The following JPH3 variants were observed in gnomAD, a reference collection of about 807,000 sequenced individuals.
JPH3 encodes the protein junctophilin-3.
A neutral mutation model predicts 59.6 loss-of-function variants in JPH3; 11 were observed. The observed-to-expected ratio is 0.18, with a 90% CI of 0.12 to 0.31. JPH3 has a LOEUF of 0.31. Among genes scored for constraint, JPH3 ranks in the 10% least tolerant of loss-of-function variants. The pLI, the probability that JPH3 is intolerant of heterozygous loss-of-function variation, is 1.00. For missense variants in JPH3, 1,202 were observed against 1,105.7 expected (o/e 1.09, Z -1.24); for synonymous variants, 673 against 483.6 (o/e 1.39, Z -5.14).
At chr16:87,670,202 C>T (rs966961871) in intron 2 of JPH3, among the ~76,000 whole-genome samples, 29 of 152,214 alleles carry the variant, frequency 1.9e-4, no homozygotes, top group African/African-American at 6.0e-4. Context: ...AGCCCAGCAG[C>T]GAGGGTGGGG....
chr16:87,619,290 G>A (rs2031084230), intron 1 of JPH3, among the ~76,000 whole-genome samples: 1 of 147,406 alleles, frequency 6.8e-6, no homozygotes, highest in South Asian at 2.2e-4. Context: ...TCCAGCCTGG[G>A]TGACAGAGCG....
chr16:87,660,272 C>A (rs548868396), intron 2 of JPH3, among the ~76,000 whole-genome samples: 1 of 152,154 alleles, frequency 6.6e-6, no homozygotes. Flanking sequence ...GAGAGTTGAG[C>A]TTTTCCCCAG....
rs1286536438 is a variant in JPH3 at position 87,611,931 on chromosome 16, C to T, written c.382+8403C>T. Among the ~76,000 whole-genome samples, 1 of 152,166 alleles carries T rather than the reference C, an allele frequency of 6.6e-6. No individual in the cohort carries two copies. The highest frequency in any genetic ancestry group is 1.5e-5 in the Non-Finnish European group (1 of 68,030). ...ATGCAGCGTGTCAGGCCTGCCTGAC[C>T]TCCAGGGTCAGGATGTGTGTTTGGA... On this transcript the variant is annotated intron_variant, in intron 1 of 4. Coordinates refer to ENST00000284262, the MANE Select transcript of JPH3 (RefSeq NM_020655.4). This position sits in a 1 kb window ranked among gnomAD's most constrained non-coding sequence, Gnocchi z 4.5.
chr16:87,652,849 G>C (rs2032368715), intron 2 of JPH3, among the ~76,000 whole-genome samples: 1 of 152,228 alleles, frequency 6.6e-6, no homozygotes, highest in Non-Finnish European at 1.5e-5. Context: ...ATGTAGATCA[G>C]AGGTGACAAG....
chr16:87,663,111 C>CTTTTTTTT (rs1466941392), intron 2 of JPH3, among the ~76,000 whole-genome samples: 3 of 129,432 alleles, frequency 2.3e-5, no homozygotes, highest in African/African-American at 9.8e-5. Flanking sequence ...AGGTTAATTT[C>CTTTTTTTT]TTTCTTTTTT....
upstream of JPH3, chr16:87,602,133 T>G (rs1203384835): frequency 2.0e-5 from 3 of 151,076 alleles, no homozygotes; most frequent in Non-Finnish European, 2.9e-5. Flanking sequence ...TGGCAGGTCC[T>G]GCTCTGCAGG....
intron 2 of JPH3, among the ~76,000 whole-genome samples, chr16:87,657,945 TGTCTCTACCAAC>T (rs1226399584): frequency 3.3e-5 from 5 of 152,194 alleles, no homozygotes; most frequent in Non-Finnish European, 5.9e-5. Context: ...GATGGACAGC[TGTCTCTACCAAC>T]CTGGCCTCAC....
At chr16:87,690,847 G>A (rs1362966673) in intron 4 of JPH3, among the ~76,000 whole-genome samples, 1 of 152,254 alleles carries the variant, frequency 6.6e-6, no homozygotes, top group Non-Finnish European at 1.5e-5. Context: ...TGCTCCAAGA[G>A]TCTGTGCCCC....
rs138328691 is a variant in JPH3, at chr16:87,684,257, C to A, written c.1276C>A (p.Arg426=). Residue 426 remains arginine (R), a synonymous_variant, in exon 3 of 5, where the codon CGG becomes AGG. Coordinates refer to ENST00000284262, the MANE Select transcript of JPH3 (RefSeq NM_020655.4). Reference sequence around the variant, plus strand: ...AGAGTTCTCCCCTTCCTTCCAGCACCGGGAAAACGGTGAGTCTCGCCGGGC... The same window carrying A: ...AGAGTTCTCCCCTTCCTTCCAGCACAGGGAAAACGGTGAGTCTCGCCGGGC... The part of the protein sequence containing the change: ...AKEFSPSFQH[R]ENGLEYQRPK... The A allele has an allele frequency of 6.2e-7, 1 of 1,613,888 alleles. No individual in the cohort carries two copies. The highest frequency in any genetic ancestry group is 8.5e-7 in the Non-Finnish European group (1 of 1,179,974).
intron 1 of JPH3, among the ~76,000 whole-genome samples, chr16:87,606,304 G>T (rs1031129592): frequency 6.6e-6 from 1 of 152,242 alleles, no homozygotes; most frequent in Admixed American, 6.5e-5. Context: ...GCGCTGACTT[G>T]GGGAAATGGC....
chr16:87,686,826 G>A (rs537750271), intron 3 of JPH3, among the ~76,000 whole-genome samples: 58 of 152,328 alleles, frequency 3.8e-4, no homozygotes, highest in African/African-American at 1.3e-3. Context: ...TGATACAGAT[G>A]CGGGCCCCTG....
chr16:87,663,289 G>A (rs1223664543), intron 2 of JPH3, among the ~76,000 whole-genome samples: 1 of 152,062 alleles, frequency 6.6e-6, no homozygotes, highest in East Asian at 1.9e-4. Context: ...TGTATCTTTA[G>A]TAGAGACAAG....
At chr16:87,636,401 A>G (rs936598061) in intron 1 of JPH3, among the ~76,000 whole-genome samples, 4 of 152,164 alleles carry the variant, frequency 2.6e-5, no homozygotes, top group Non-Finnish European at 5.9e-5. Flanking sequence ...GGGGTGGCCG[A>G]GCTGATGGTG....
chr16:87,643,617 G>T (rs1049792696), intron 1 of JPH3, among the ~76,000 whole-genome samples: 1 of 152,200 alleles, frequency 6.6e-6, no homozygotes, highest in Admixed American at 6.5e-5. Flanking sequence ...CCCAGGACGC[G>T]TTTCCTTGTG....
At chr16:87,653,195 G>A (rs1198895283) in intron 2 of JPH3, among the ~76,000 whole-genome samples, 5 of 152,230 alleles carry the variant, frequency 3.3e-5, no homozygotes, top group African/African-American at 7.2e-5. Context: ...TCTGAACAGT[G>A]TGGCTCTGGG....
intron 4 of JPH3, among the ~76,000 whole-genome samples, chr16:87,691,093 C>T (rs141384360): frequency 6.6e-6 from 1 of 150,682 alleles, no homozygotes; most frequent in Non-Finnish European, 1.5e-5. Flanking sequence ...AGCACCCCCC[C>T]CCCAAATTCG....
At chr16:87,681,535 C>G (rs376534220) in intron 2 of JPH3, among the ~76,000 whole-genome samples, 51 of 73,182 alleles carry the variant, frequency 7.0e-4, no homozygotes, top group East Asian at 2.0e-3. Context: ...TGCGCGCGGT[C>G]GTGACAGTGC....
rs113461087 is a variant in JPH3 at position 87,668,507 on chromosome 16, T to TCACA, written c.1161-15633_1161-15630dup. 4.2e-3 allele frequency among the ~76,000 whole-genome samples: 644 copies of TCACA among 152,282 alleles called. 3 individuals carry two copies. The highest frequency in any genetic ancestry group is 0.015 in the African/African-American group (606 of 41,552). On this transcript the variant is annotated intron_variant, in intron 2 of 4. Coordinates refer to ENST00000284262, the MANE Select transcript of JPH3 (RefSeq NM_020655.4). ...GCTTCACTCGGCATGGCGTGGCCCGTCACACTCATCCTGCATCTGTTACAC... is the reference window on the plus strand; with the variant it reads ...GCTTCACTCGGCATGGCGTGGCCCGTCACACACACTCATCCTGCATCTGTTACAC...
chr16:87,639,612 C>T (rs71392306), intron 1 of JPH3, among the ~76,000 whole-genome samples: 1 of 149,930 alleles, frequency 6.7e-6, no homozygotes, highest in African/African-American at 2.5e-5. Flanking sequence ...TCCCTCCTGT[C>T]CTCCCTCCTG....
Sources: gnomAD v4.1 joint callset for allele counts (sites outside exome capture counted in the v4.1 genomes callset) on GRCh38, gnomAD v4.1.1 for gene constraint, Gnocchi (gnomAD v3.1) non-coding constraint, MANE v1.5 for transcripts, NCBI Gene and HGNC (gene_info 2026-07-23, HGNC 2026-07-21) for gene names.